AKAP7: variants seen among roughly 807,000 people sequenced by gnomAD.
The protein encoded by AKAP7 is A kinase (PRKA) anchor protein 7.
In AKAP7, 39 loss-of-function variants were observed where a neutral mutation model predicts 39.5. The observed-to-expected ratio is 0.99, with a 90% CI of 0.76 to 1.29. AKAP7 has a LOEUF of 1.29. Among genes scored for constraint, AKAP7 ranks in the 50% most tolerant of loss-of-function variants. AKAP7 has a pLI of 0.00. For synonymous variants in AKAP7, 140 were observed against 139.1 expected (o/e 1.01, Z -0.05); for missense variants, 414 against 407.7 (o/e 1.02, Z -0.13).
At chr6:131,279,389 C>T (rs1373502987) in intron 7 of AKAP7, among the ~76,000 whole-genome samples, 1 of 152,144 alleles carries the variant, frequency 6.6e-6, no homozygotes, top group Non-Finnish European at 1.5e-5. Context: ...CTGCCTCAGC[C>T]CCCTGAGTAG....
chr6:131,230,003 C>T (rs1039131472), intron 7 of AKAP7, among the ~76,000 whole-genome samples: 1 of 152,076 alleles, frequency 6.6e-6, no homozygotes, highest in Non-Finnish European at 1.5e-5. Flanking sequence ...TGATGTGTAC[C>T]TAGGTTGATT....
chr6:131,126,751 C>T, the AKAP7 span, among the ~76,000 whole-genome samples: 88 of 152,284 alleles, frequency 5.8e-4, no homozygotes, highest in African/African-American at 1.9e-3. Flanking sequence ...GTCTTGTCTC[C>T]CTCTGCTGCT....
chr6:131,277,408 G>A (rs1008488045), intron 7 of AKAP7, among the ~76,000 whole-genome samples: 3 of 152,166 alleles, frequency 2.0e-5, no homozygotes, highest in Non-Finnish European at 4.4e-5. Context: ...AGAATGTGTT[G>A]CTTACATTGG....
intron 5 of AKAP7, among the ~76,000 whole-genome samples, chr6:131,186,308 A>G (rs1805852614): frequency 1.3e-5 from 2 of 152,050 alleles, no homozygotes; most frequent in South Asian, 4.1e-4. Flanking sequence ...GCCTTCTGCC[A>G]TGGATTGTAA....
chr6:131,159,630 G>A (rs1366196379), intron 2 of AKAP7, among the ~76,000 whole-genome samples: 3 of 152,174 alleles, frequency 2.0e-5, no homozygotes, highest in Non-Finnish European at 4.4e-5. Flanking sequence ...AACTTTGTGT[G>A]GCAGTAGGGT....
chr6:131,197,245 G>C (rs1444776797), intron 5 of AKAP7, among the ~76,000 whole-genome samples: 1 of 152,002 alleles, frequency 6.6e-6, no homozygotes. Flanking sequence ...GTTGTTTCCA[G>C]TTTGTGCAAC....
At chr6:131,239,782 A>C (rs970077286) in intron 7 of AKAP7, among the ~76,000 whole-genome samples, 3 of 151,934 alleles carry the variant, frequency 2.0e-5, no homozygotes, top group African/African-American at 7.3e-5. Flanking sequence ...ACTTCTCTGC[A>C]TTGGTTATTC....
chr6:131,211,212 AT>A (rs1369187416), intron 6 of AKAP7, among the ~76,000 whole-genome samples: 3 of 151,954 alleles, frequency 2.0e-5, no homozygotes, highest in African/African-American at 7.3e-5. Context: ...AGTGTATATA[AT>A]TTTTTGCATT....
chr6:131,201,024 A>T (rs769228356), intron 6 of AKAP7: 30 of 152,210 alleles, frequency 2.0e-4, no homozygotes, highest in Non-Finnish European at 4.1e-4. Context: ...CAACATTTCA[A>T]ACTGCATTTA....
chr6:131,237,970 A>C lies in AKAP7; in HGVS notation c.850+18162A>C, dbSNP rs930508752. On this transcript the variant is annotated intron_variant, in intron 7 of 7. Transcript: ENST00000431975. The stretch of plus-strand genomic sequence containing the variant: ...TAGCTTTTGAATGTGTTTGCTCTCG[A>C]TTCTCTAGTTCTTTTAATTGTGATG... Among the ~76,000 whole-genome samples the C allele has an allele frequency of 7.2e-5, 11 of 151,750 alleles. No individual in the cohort carries two copies. The South Asian group carries it at 1.9e-3, about 26-fold the overall frequency.
At position 131,282,277 on chromosome 6, in the gene AKAP7, T is replaced by C; in HGVS notation, c.*551T>C. On this transcript the variant is annotated 3_prime_UTR_variant, in exon 8 of 8. Coordinates refer to ENST00000431975, the MANE Select transcript of AKAP7 (RefSeq NM_016377.4). ...ATGTTTCATGTAAATGATATATTTTTGGTGAAATGCAACCTTTTCTATAAA... is the reference window on the plus strand; with the variant it reads ...ATGTTTCATGTAAATGATATATTTTCGGTGAAATGCAACCTTTTCTATAAA... 7.4e-7 allele frequency: 1 copy of C among 1,360,154 alleles called. No individual in the cohort carries two copies. The highest frequency in any genetic ancestry group is 9.4e-7 in the Non-Finnish European group (1 of 1,061,696). The allele number at this position is 1,360,154 out of a possible 1,614,324, so 84.3% of individuals were successfully genotyped here. A position where few individuals can be genotyped will look rare whatever the true frequency, so the allele number is the denominator to read the frequency against.
In AKAP7 at chr6:131,249,924, G is replaced by A. The variant is rs115851877; in HGVS notation, c.850+30116G>A. ...AAAGCAGGAATTTAAAAGATATGCC[G>A]TACCGTACAGATAACAGTCGATAGC... is the stretch of plus-strand genomic sequence containing the variant. On this transcript the variant is annotated intron_variant, in intron 7 of 7. Transcript: ENST00000431975. Among the ~76,000 whole-genome samples, 1,117 of 151,462 alleles carry A rather than the reference G, an allele frequency of 7.4e-3. 10 individuals are homozygous for A. The highest frequency in any genetic ancestry group is 0.026 in the African/African-American group (1,065 of 41,264).
chr6:131,273,940 C>CT (rs1161809027), intron 7 of AKAP7, among the ~76,000 whole-genome samples: 1,405 of 130,260 alleles, frequency 0.011, 10 homozygotes, highest in Non-Finnish European at 0.013. Flanking sequence ...GTTGCCTTTT[C>CT]TTTTTTTTTT....
At chr6:131,262,515 A>C (rs1200274549) in intron 7 of AKAP7, among the ~76,000 whole-genome samples, 2 of 152,202 alleles carry the variant, frequency 1.3e-5, no homozygotes, top group Non-Finnish European at 2.9e-5. Context: ...GACAAAAAAC[A>C]ATAACCGTAT....
chr6:131,166,773 T>C (rs1803540665), intron 4 of AKAP7, among the ~76,000 whole-genome samples: 1 of 152,186 alleles, frequency 6.6e-6, no homozygotes, highest in South Asian at 2.1e-4. Context: ...AGACATTGTT[T>C]ATGTGAACAA....
intron 5 of AKAP7, among the ~76,000 whole-genome samples, chr6:131,191,026 C>T (rs1806354889): frequency 6.6e-6 from 1 of 152,170 alleles, no homozygotes; most frequent in South Asian, 2.1e-4. Context: ...ATTTGTGCTT[C>T]CACACCTTTA....
At chr6:131,259,278 AGACTTTCTATCTAG>A (rs1476992381) in intron 7 of AKAP7, among the ~76,000 whole-genome samples, 2 of 152,174 alleles carry the variant, frequency 1.3e-5, no homozygotes, top group Non-Finnish European at 2.9e-5. Context: ...TGTTAATCTC[AGACTTTCTATCTAG>A]GGCTATTGTA....
intron 7 of AKAP7, among the ~76,000 whole-genome samples, chr6:131,273,805 TTTTC>T (rs940018575): frequency 1.3e-5 from 2 of 152,186 alleles, no homozygotes; most frequent in African/African-American, 4.8e-5. Flanking sequence ...GCCTCAGGTT[TTTTC>T]TTTGACATTT....
intron 5 of AKAP7, chr6:131,185,361 C>T: frequency 1.9e-6 from 1 of 526,636 alleles, no homozygotes; most frequent in Admixed American, 2.4e-5. Flanking sequence ...GTCTGTGAGG[C>T]CAAGAAAGGC....
Sources: allele counts gnomAD v4.1 joint callset (sites outside exome capture counted in the v4.1 genomes callset), GRCh38; gene constraint gnomAD v4.1.1; transcripts MANE v1.5; gene names NCBI Gene and HGNC (gene_info 2026-07-23, HGNC 2026-07-21).